Variants in ABCC6 observed in about 807,000 individuals in gnomAD.
The protein encoded by ABCC6 is ATP binding cassette subfamily C member 6.
Under a neutral mutation model 169.5 loss-of-function variants are expected in ABCC6, and 126 were observed. That is an observed-to-expected ratio of 0.74 (90% CI 0.64 to 0.86). The LOEUF is 0.86. ABCC6 is among the 40% of genes least tolerant of loss of function. The probability of loss-of-function intolerance (pLI) is 0.00; values close to 1 mark genes in which losing one functional copy is unlikely to be tolerated. For synonymous variants in ABCC6, 752 were observed against 814.7 expected (o/e 0.92, Z 1.31); for missense variants, 1,733 against 1,927.2 (o/e 0.90, Z 1.89).
intron 10 of ABCC6, among the ~76,000 whole-genome samples, chr16:16,194,676 G>GTTTATTTA (rs993740990): frequency 4.0e-4 from 61 of 152,080 alleles, no homozygotes; most frequent in African/African-American, 1.4e-3. Flanking sequence ...GGAACACTAT[G>GTTTATTTA]TTTATTTATT....
chr16:16,217,880 A>G (rs949446359), intron 4 of ABCC6, among the ~76,000 whole-genome samples: 10 of 152,246 alleles, frequency 6.6e-5, no homozygotes, highest in African/African-American at 2.4e-4. Context: ...ACTTGAGGTC[A>G]GGCATTTGAG....
intron 10 of ABCC6, among the ~76,000 whole-genome samples, chr16:16,193,572 G>A (rs1398171983): frequency 1.3e-5 from 2 of 152,116 alleles, no homozygotes; most frequent in Non-Finnish European, 2.9e-5. Context: ...AAACTAGCCA[G>A]GTGTGGTGGT....
At position 16,190,309 on chromosome 16, in the gene ABCC6, T is replaced by A. The variant is rs1329783594; in HGVS notation, c.1490A>T (p.Asn497Ile). ...RARLTSSILR[N>I]SKTIKFHGWE... ...GCCATGGAACTTGATGGTCTTCGAG[T>A]TCCTGAGGATAGAGCTGGTGAGCCG... is the stretch of plus-strand genomic sequence containing the variant. Residue 497 changes from asparagine (N) to isoleucine (I), a missense_variant, in exon 12 of 31, where the codon AAC becomes ATC. Transcript: ENST00000205557. 3 of 1,613,962 alleles carry A rather than the reference T, an allele frequency of 1.9e-6. No individual in the cohort carries two copies. The highest frequency in any genetic ancestry group is 2.5e-6 in the Non-Finnish European group (3 of 1,180,022).
Position 16,157,784 on chromosome 16 carries a change from G to A in ABCC6, c.3761C>T (p.Ala1254Val). ...KEAPWRLPTC[A>V]AQPPWPQGGQ... ...GCCCTGAGGCCAGGGGGGCTGAGCTGCACATGTGGGCAGCCTCCAGGGAGC... is the reference window on the plus strand; with the variant it reads ...GCCCTGAGGCCAGGGGGGCTGAGCTACACATGTGGGCAGCCTCCAGGGAGC... The change falls in exon 27 of 31, where the codon GCA becomes GTA. Residue 1254 changes from alanine (A) to valine (V), a missense_variant. This residue lies in a region of ABCC6 where 1,601 missense variants were observed against 1,635.5 expected (regional missense o/e 0.98). Coordinates refer to ENST00000205557, the MANE Select transcript of ABCC6 (RefSeq NM_001171.6). The A allele has an allele frequency of 6.2e-7, 1 of 1,612,834 alleles. No individual in the cohort carries two copies. The highest frequency in any genetic ancestry group is 8.5e-7 in the Non-Finnish European group (1 of 1,179,976).
At chr16:16,193,543 G>A (rs979056935) in intron 10 of ABCC6, among the ~76,000 whole-genome samples, 1 of 152,134 alleles carries the variant, frequency 6.6e-6, no homozygotes, top group Admixed American at 6.6e-5. Flanking sequence ...GTGAAACACA[G>A]TCTCTACTAA....
At chr16:16,181,535 C>G (rs2152257123) in intron 17 of ABCC6, among the ~76,000 whole-genome samples, 1 of 152,178 alleles carries the variant, frequency 6.6e-6, no homozygotes. Context: ...AGTGCAAAGG[C>G]CCTGGGGCCA....
Position 16,150,815 on chromosome 16 carries a change from G to A in ABCC6, c.4209-43C>T, listed in dbSNP as rs200216712. 4.9e-5 allele frequency: 78 copies of A among 1,600,200 alleles called. No individual in the cohort carries two copies. In the South Asian group the frequency reaches 6.9e-4, roughly 14 times the overall value. On this transcript the variant is annotated intron_variant, in intron 29 of 30. Transcript: ENST00000205557. Reference sequence around the variant, plus strand: ...AATTAGCTGGGACGTGCGTTTGTCGGCACATGGTGATGTGTGGGTGTGCCC... The same window carrying A: ...AATTAGCTGGGACGTGCGTTTGTCGACACATGGTGATGTGTGGGTGTGCCC...
intron 11 of ABCC6, among the ~76,000 whole-genome samples, chr16:16,191,941 G>A (rs2152271831): frequency 6.6e-6 from 1 of 152,292 alleles, no homozygotes; most frequent in Non-Finnish European, 1.5e-5. Context: ...TTCCAGTTAA[G>A]GAAAACAAGG....
intron 26 of ABCC6, 39 bp from the exon 27 acceptor site, chr16:16,157,848 T>G (rs767815589): frequency 1.1e-5 from 18 of 1,591,656 alleles, no homozygotes; most frequent in Non-Finnish European, 1.5e-5. Flanking sequence ...GGAGCCTTCC[T>G]CTAAGACTTC....
At chr16:16,162,920 A>G in intron 24 of ABCC6, 73 bp downstream of exon 24, 1 of 1,594,644 alleles carries the variant, frequency 6.3e-7, no homozygotes. Flanking sequence ...TCTACCATAC[A>G]ATATGACCTC....
At position 16,187,162 on chromosome 16, in the gene ABCC6, A is replaced by G; in HGVS notation, c.1829T>C (p.Val610Ala). ...ACTTGAGTCTACGACACCAGGGTCA[A>G]CTTCTTCCAGGCAGAGGAAGGTGAC... ...RLVTFLCLEE[V>A]DPGVVDSSSS... is the part of the protein sequence containing the mutation. The change falls in exon 14 of 31, where the codon GTT becomes GCT. Residue 610 changes from valine (V) to alanine (A), a missense_variant. By Grantham distance (64) the Val-to-Ala change is moderately conservative. Transcript: ENST00000205557. 1.2e-6 allele frequency: 2 copies of G among 1,613,782 alleles called. No individual in the cohort carries two copies. The highest frequency in any genetic ancestry group is 1.7e-6 in the Non-Finnish European group (2 of 1,179,830).
chr16:16,177,656 C>A, intron 18 of ABCC6, 30 bp from the exon 19 acceptor site: 2 of 1,612,934 alleles, frequency 1.2e-6, no homozygotes, highest in East Asian at 2.2e-5. Context: ...AAGTTACACA[C>A]ATGTGGCCGG....
chr16:16,168,503 G>T (rs1596620471), intron 22 of ABCC6, among the ~76,000 whole-genome samples: 1 of 152,074 alleles, frequency 6.6e-6, no homozygotes, highest in African/African-American at 2.4e-5. Context: ...GTGTGTGTGT[G>T]TATAAATAAG....
At chr16:16,152,195 A>AC (rs1283731916) in intron 29 of ABCC6, among the ~76,000 whole-genome samples, 3 of 146,838 alleles carry the variant, frequency 2.0e-5, no homozygotes, top group African/African-American at 7.5e-5. Context: ...TCTGTCTCAA[A>AC]AAAAAAAAAA....
chr16:16,150,803 G>GTGC, intron 29 of ABCC6, 31 bp from the exon 30 acceptor site: 1 of 1,609,026 alleles, frequency 6.2e-7, no homozygotes, highest in Admixed American at 1.7e-5. Context: ...TAGCTGGGAC[G>GTGC]TGCGTTTGTC....
In ABCC6 at chr16:16,202,112, C is replaced by G. The variant is rs1287789068; in HGVS notation, c.1065G>C (p.Leu355=). ...PAWKGYLLAV[L]MFLSACLQTL... ...TTTGCAGGCAGGCTGAGAGGAACATCAGCACGGCGAGGAGGTAGCCCTTCC... is the reference window on the plus strand; with the variant it reads ...TTTGCAGGCAGGCTGAGAGGAACATGAGCACGGCGAGGAGGTAGCCCTTCC... Residue 355 remains leucine (L), a synonymous_variant, in exon 9 of 31, where the codon CTG becomes CTC. Coordinates refer to ENST00000205557, the MANE Select transcript of ABCC6 (RefSeq NM_001171.6). 6.2e-7 allele frequency: 1 copy of G among 1,613,964 alleles called. No homozygotes were observed. Among genetic ancestry groups the G allele is most frequent in the African/African-American group, 1.3e-5 (1 of 75,016 alleles).
intron 10 of ABCC6, 81 bp from the exon 11 acceptor site, chr16:16,193,003 T>G: frequency 8.4e-7 from 1 of 1,184,278 alleles, no homozygotes; most frequent in Non-Finnish European, 1.2e-6. Flanking sequence ...CAACTCCATC[T>G]TGAATAGGGA....
chr16:16,162,837 G>C (rs1387549858), intron 24 of ABCC6, among the ~76,000 whole-genome samples, 156 bp downstream of exon 24: 2 of 152,124 alleles, frequency 1.3e-5, no homozygotes, highest in Non-Finnish European at 2.9e-5. Flanking sequence ...TGTTCCATCT[G>C]CCCACGGTGA....
chr16:16,150,736 G>A lies in ABCC6; in HGVS notation c.4245C>T (p.Ala1415=), dbSNP rs749415846. The change falls in exon 30 of 31, where the codon GCC becomes GCT. Residue 1415 remains alanine (A), a synonymous_variant. Transcript: ENST00000205557. ...TGAGGATCTGGGTCTTCCGGAGAAGGGCACGTGCCAGACACAGGAGCTGTT... is the reference window on the plus strand; with the variant it reads ...TGAGGATCTGGGTCTTCCGGAGAAGAGCACGTGCCAGACACAGGAGCTGTT... ...GQKQLLCLAR[A]LLRKTQILIL... 3 of 1,613,870 alleles carry A rather than the reference G, an allele frequency of 1.9e-6. No individual in the cohort carries two copies. The highest frequency in any genetic ancestry group is 1.7e-6 in the Non-Finnish European group (2 of 1,179,950).
Sources: allele counts gnomAD v4.1 joint callset (sites outside exome capture counted in the v4.1 genomes callset), GRCh38; gene constraint gnomAD v4.1.1; regional missense constraint gnomAD v4.1.1; transcripts MANE v1.5; gene names NCBI Gene and HGNC (gene_info 2026-07-23, HGNC 2026-07-21).